PDSS1: variants seen among roughly 807,000 people sequenced by gnomAD.
The protein encoded by PDSS1 is decaprenyl diphosphate synthase subunit 1.
In PDSS1, 43 loss-of-function variants were observed where a neutral mutation model predicts 57.5. That is an observed-to-expected ratio of 0.75 (90% CI 0.59 to 0.96). The LOEUF is 0.96. PDSS1 is among the 50% of genes least tolerant of loss of function. PDSS1 has a pLI of 0.00. For synonymous variants in PDSS1, 175 were observed against 191.3 expected (o/e 0.91, Z 0.70); for missense variants, 438 against 527.8 (o/e 0.83, Z 1.67).
chr10:26,702,604 G>A (rs933007281), intron 2 of PDSS1, among the ~76,000 whole-genome samples: 2 of 152,208 alleles, frequency 1.3e-5, no homozygotes, highest in Admixed American at 1.3e-4. Context: ...GTTTGGAACT[G>A]TGAGTCAGTT....
chr10:26,709,571 A>G (rs1041596255), intron 4 of PDSS1, 67 bp from the exon 5 acceptor site: 8 of 1,544,166 alleles, frequency 5.2e-6, no homozygotes, highest in Non-Finnish European at 7.2e-6. Flanking sequence ...CAAAAAAAAA[A>G]AGAAATCCTG....
chr10:26,734,639 A>G (rs1836327168), intron 8 of PDSS1: 1 of 455,880 alleles, frequency 2.2e-6, no homozygotes, highest in Admixed American at 2.4e-5. Context: ...CCTTCCGATA[A>G]TGAAAGAGCG....
At chr10:26,707,648 CATTCCCTGGG>C (rs1307674829) in intron 4 of PDSS1, among the ~76,000 whole-genome samples, 1 of 152,184 alleles carries the variant, frequency 6.6e-6, no homozygotes, top group Non-Finnish European at 1.5e-5. Flanking sequence ...TTAATTTTGC[CATTCCCTGGG>C]GTTCCGTGGG....
chr10:26,704,773 A>G, intron 3 of PDSS1, 32 bp downstream of exon 3: 1 of 1,100,652 alleles, frequency 9.1e-7, no homozygotes, highest in South Asian at 1.3e-5. Context: ...CAACTACTAA[A>G]ATTATCCATT....
intron 8 of PDSS1, among the ~76,000 whole-genome samples, chr10:26,729,014 C>G (rs1465668489): frequency 3.3e-5 from 5 of 152,048 alleles, no homozygotes; most frequent in Non-Finnish European, 7.4e-5. Flanking sequence ...CTCCTGGCCT[C>G]AAGTGATCGC....
intron 8 of PDSS1, among the ~76,000 whole-genome samples, chr10:26,734,417 A>G (rs1255994153): frequency 6.6e-6 from 1 of 152,202 alleles, no homozygotes; most frequent in Non-Finnish European, 1.5e-5. Flanking sequence ...GGTTTTACCC[A>G]GGCTTTGTTT....
chr10:26,739,874 C>T (rs1254608523), intron 10 of PDSS1, among the ~76,000 whole-genome samples: 1 of 152,148 alleles, frequency 6.6e-6, no homozygotes, highest in Non-Finnish European at 1.5e-5. Context: ...CGGTGGCTCA[C>T]GCCTGTAATC....
intron 2 of PDSS1, among the ~76,000 whole-genome samples, chr10:26,704,131 AG>A (rs1480691032): frequency 6.7e-6 from 1 of 149,532 alleles, no homozygotes; most frequent in Non-Finnish European, 1.5e-5. Flanking sequence ...TGTTCATTAG[AG>A]AAGAATCAGA....
intron 10 of PDSS1, chr10:26,740,568 T>C: frequency 2.2e-6 from 1 of 449,048 alleles, no homozygotes; most frequent in Non-Finnish European, 4.5e-6. Flanking sequence ...GCGGCTTTTC[T>C]ATGTATGCCC....
intron 6 of PDSS1, among the ~76,000 whole-genome samples, chr10:26,722,027 C>T (rs1446288307): frequency 6.6e-6 from 1 of 152,172 alleles, no homozygotes; most frequent in East Asian, 1.9e-4. Context: ...CCTAGCACTT[C>T]TTTCCTTTAA....
intron 8 of PDSS1, among the ~76,000 whole-genome samples, chr10:26,731,939 G>A (rs1468742661): frequency 2.6e-5 from 4 of 152,226 alleles, no homozygotes; most frequent in Non-Finnish European, 5.9e-5. Flanking sequence ...TTACAGGCGT[G>A]AGCCACTGCG....
chr10:26,746,610 A>AT lies in PDSS1; in HGVS notation c.*146dup, dbSNP rs67302665. 2,756 of 862,466 alleles carry AT rather than the reference A, an allele frequency of 3.2e-3. No individual in the cohort carries two copies. The highest frequency in any genetic ancestry group is 4.2e-3 in the Middle Eastern group (12 of 2,852). 53.4% of individuals were successfully genotyped at this position (862,466 alleles called of 1,614,324 possible). A position where few individuals can be genotyped will look rare whatever the true frequency, so the allele number is the denominator to read the frequency against. On this transcript the variant is annotated 3_prime_UTR_variant, in exon 12 of 12. Transcript: ENST00000376215. ...TATCAAACTTATTGATGGGCAATTT[A>AT]TTTTTTTTTATTGCAAAAGTTTTTT...
At chr10:26,700,772 A>C (rs1003269117) in intron 1 of PDSS1, among the ~76,000 whole-genome samples, 1 of 152,110 alleles carries the variant, frequency 6.6e-6, no homozygotes, top group East Asian at 1.9e-4. Context: ...ATAATTATAG[A>C]TTGCCCAGTC....
intron 4 of PDSS1, among the ~76,000 whole-genome samples, chr10:26,708,350 T>C (rs1043288183): frequency 3.9e-5 from 6 of 152,182 alleles, no homozygotes; most frequent in Non-Finnish European, 5.9e-5. Context: ...GCCGGAAGGC[T>C]CTTGTCCTCT....
At chr10:26,735,645 C>A in intron 10 of PDSS1, 66 bp downstream of exon 10, 1 of 886,540 alleles carries the variant, frequency 1.1e-6, no homozygotes, top group African/African-American at 1.6e-5. Context: ...TCCCGCGGCA[C>A]AGCTGATGGG....
At chr10:26,732,277 G>A (rs1836234522) in intron 8 of PDSS1, among the ~76,000 whole-genome samples, 1 of 152,198 alleles carries the variant, frequency 6.6e-6, no homozygotes, top group Non-Finnish European at 1.5e-5. Context: ...CCTGGGATGG[G>A]GAAGCAGGAC....
At chr10:26,730,449 G>T (rs1836144729) in intron 8 of PDSS1, among the ~76,000 whole-genome samples, 1 of 151,022 alleles carries the variant, frequency 6.6e-6, no homozygotes, top group Admixed American at 6.6e-5. Flanking sequence ...TGTCTACAAG[G>T]AATACAAAAA....
chr10:26,741,210 C>T (rs941451626), intron 10 of PDSS1, among the ~76,000 whole-genome samples: 10 of 152,228 alleles, frequency 6.6e-5, no homozygotes, highest in African/African-American at 2.2e-4. Flanking sequence ...CCAGGCCAGG[C>T]GCGGTGGCTC....
intron 4 of PDSS1, among the ~76,000 whole-genome samples, chr10:26,706,324 T>C (rs1441321425): frequency 6.6e-6 from 1 of 152,194 alleles, no homozygotes; most frequent in Non-Finnish European, 1.5e-5. Flanking sequence ...ATCCTAGCAC[T>C]TTGAGAGGAC....
Sources: gnomAD v4.1 joint callset for allele counts (sites outside exome capture counted in the v4.1 genomes callset) on GRCh38, gnomAD v4.1.1 for gene constraint, MANE v1.5 for transcripts, NCBI Gene and HGNC (gene_info 2026-07-23, HGNC 2026-07-21) for gene names.